NRF1: variants seen among roughly 807,000 people sequenced by gnomAD.
The protein encoded by NRF1 is alpha palindromic-binding protein.
Under a neutral mutation model 58.5 loss-of-function variants are expected in NRF1, and 5 were observed. That is an observed-to-expected ratio of 0.09 (90% CI 0.04 to 0.18). The LOEUF is 0.18. Ranked by LOEUF, NRF1 falls within the 10% of genes least tolerant of loss-of-function variation. NRF1 has a pLI of 1.00. For synonymous variants in NRF1, 224 were observed against 246.7 expected, an observed-to-expected ratio of 0.91 and a Z score of 0.86; for missense variants, 288 against 657.7, an observed-to-expected ratio of 0.44 and a Z score of 6.15.
chr7:129,747,559 C>G (rs1221853890), intron 10 of NRF1, among the ~76,000 whole-genome samples: 1 of 152,140 alleles, frequency 6.6e-6, no homozygotes, highest in Non-Finnish European at 1.5e-5. Flanking sequence ...TATTATATAC[C>G]TACTATGTGC....
intron 1 of NRF1, among the ~76,000 whole-genome samples, chr7:129,635,048 G>T (rs1190765766): frequency 1.3e-5 from 2 of 152,072 alleles, no homozygotes; most frequent in African/African-American, 4.8e-5. Context: ...GAAATCAGAG[G>T]ACTGCATTTG....
At chr7:129,629,015 T>C (rs1562953313) in intron 1 of NRF1, among the ~76,000 whole-genome samples, 1 of 152,244 alleles carries the variant, frequency 6.6e-6, no homozygotes, top group Non-Finnish European at 1.5e-5. Context: ...GGAAAACTAT[T>C]AGACTCACTG....
At chr7:129,648,777 A>G (rs533897187) in intron 1 of NRF1, among the ~76,000 whole-genome samples, 2 of 151,994 alleles carry the variant, frequency 1.3e-5, no homozygotes, top group East Asian at 3.9e-4. Context: ...CCCGCCTCCA[A>G]ATTTCTGTCA....
In NRF1 at chr7:129,735,387, G is replaced by T. The variant is rs200632174; in HGVS notation, c.1348+8022G>T. On this transcript the variant is annotated intron_variant, in intron 10 of 10. Coordinates refer to ENST00000393232, the MANE Select transcript of NRF1 (RefSeq NM_005011.5). The stretch of plus-strand genomic sequence containing the variant: ...TATACTAAAAATATAAAATTTAGCC[G>T]GGCGTGGTGGCACACGCCTGTAGTC... 16 of 255,866 alleles carry T rather than the reference G, an allele frequency of 6.3e-5. No homozygotes were observed. The East Asian group carries it at 2.1e-3, about 34-fold the overall frequency. 15.8% of individuals were successfully genotyped at this position (255,866 alleles called of 1,614,324 possible).
intron 1 of NRF1, among the ~76,000 whole-genome samples, chr7:129,616,320 T>C (rs534428412): frequency 6.6e-6 from 1 of 152,214 alleles, no homozygotes; most frequent in African/African-American, 2.4e-5. Flanking sequence ...TGGTGGTTCA[T>C]GCCTATAATC....
chr7:129,723,117 TTTTTC>T (rs1187727861), intron 9 of NRF1, among the ~76,000 whole-genome samples: 6 of 152,202 alleles, frequency 3.9e-5, no homozygotes, highest in Non-Finnish European at 8.8e-5. Context: ...TTTATGTATC[TTTTTC>T]TTTTTTTTTC....
rs141222700 is a variant in NRF1, at chr7:129,613,139, T to C, written c.-7+1315T>C. Among the ~76,000 whole-genome samples the C allele has an allele frequency of 9.2e-3, 1,407 of 152,314 alleles. 11 individuals carry two copies. Among genetic ancestry groups the C allele is most frequent in the Admixed American group, 0.013 (192 of 15,302 alleles). On this transcript the variant is annotated intron_variant, in intron 1 of 10. Coordinates refer to ENST00000393232, the MANE Select transcript of NRF1 (RefSeq NM_005011.5). ...AGTGAGCCTGTCAGCTTGGGCAGTG[T>C]TGGGCAGAGCTTTTGTCCCGGGACA...
At chr7:129,660,922 C>G (rs1250394405) in intron 2 of NRF1, among the ~76,000 whole-genome samples, 1 of 151,242 alleles carries the variant, frequency 6.6e-6, no homozygotes, top group Non-Finnish European at 1.5e-5. Flanking sequence ...CAGAGGTTCT[C>G]TATGAGGGTC....
intron 5 of NRF1, among the ~76,000 whole-genome samples, chr7:129,696,424 A>G (rs1389270957): frequency 2.0e-5 from 3 of 152,154 alleles, no homozygotes; most frequent in Admixed American, 1.3e-4. Context: ...TTACAGGGGC[A>G]TCTCATTTAA....
chr7:129,737,518 T>C (rs1291821251), intron 10 of NRF1, among the ~76,000 whole-genome samples: 1 of 152,228 alleles, frequency 6.6e-6, no homozygotes, highest in Non-Finnish European at 1.5e-5. Flanking sequence ...TCTTTAAAAA[T>C]GAGAGGGATG....
chr7:129,618,582 C>G (rs557049943), intron 1 of NRF1, among the ~76,000 whole-genome samples: 1 of 152,216 alleles, frequency 6.6e-6, no homozygotes, highest in Admixed American at 6.5e-5. Context: ...GTGGTCTCAG[C>G]TACTCGGGAG....
intron 4 of NRF1, among the ~76,000 whole-genome samples, chr7:129,680,048 A>G (rs1038314587): frequency 6.6e-6 from 1 of 152,230 alleles, no homozygotes; most frequent in African/African-American, 2.4e-5. Context: ...CAACACAGCC[A>G]GACTCTGTCT....
At chr7:129,637,174 C>G (rs1201355415) in intron 1 of NRF1, among the ~76,000 whole-genome samples, 4 of 151,782 alleles carry the variant, frequency 2.6e-5, no homozygotes, top group Admixed American at 6.6e-5. Context: ...TTCCCATACC[C>G]TTCAATAGAA....
intron 5 of NRF1, 72 bp downstream of exon 5, chr7:129,690,618 T>G: frequency 6.5e-7 from 1 of 1,542,210 alleles, no homozygotes. Flanking sequence ...TGATCACTTT[T>G]CTGCATTTTG....
At chr7:129,738,214 G>A (rs1034661212) in intron 10 of NRF1, among the ~76,000 whole-genome samples, 1 of 152,214 alleles carries the variant, frequency 6.6e-6, no homozygotes, top group African/African-American at 2.4e-5. Context: ...TTTAAATAGA[G>A]GGGGAGGAGG....
At chr7:129,632,835 G>A (rs1801080723) in intron 1 of NRF1, among the ~76,000 whole-genome samples, 1 of 152,142 alleles carries the variant, frequency 6.6e-6, no homozygotes, top group Non-Finnish European at 1.5e-5. Flanking sequence ...TAAAAATAAA[G>A]GGAAGTATGA....
chr7:129,724,056 C>T (rs1042306941), intron 9 of NRF1, among the ~76,000 whole-genome samples: 2 of 152,030 alleles, frequency 1.3e-5, no homozygotes, highest in African/African-American at 2.4e-5. Flanking sequence ...TTGGACTTTA[C>T]GAAAATTCTT....
chr7:129,702,629 CT>C (rs2116165189), intron 5 of NRF1, among the ~76,000 whole-genome samples: 1 of 152,306 alleles, frequency 6.6e-6, no homozygotes, highest in African/African-American at 2.4e-5. Flanking sequence ...AAAATTGGGT[CT>C]GTCAGCCTGG....
intron 10 of NRF1, among the ~76,000 whole-genome samples, chr7:129,731,250 G>A (rs1584680046): frequency 2.0e-5 from 3 of 147,784 alleles, no homozygotes; most frequent in African/African-American, 5.0e-5. Context: ...CGGCCTGGGC[G>A]ACAGAGCAAG....
Sources: gnomAD v4.1 joint callset for allele counts (sites outside exome capture counted in the v4.1 genomes callset) on GRCh38, gnomAD v4.1.1 for gene constraint, MANE v1.5 for transcripts, NCBI Gene and HGNC (gene_info 2026-07-23, HGNC 2026-07-21) for gene names.